CDH13: variants seen among roughly 807,000 people sequenced by gnomAD.
CDH13 encodes the protein cadherin-13.
CDH13 carries 24 observed loss-of-function variants against 63.8 expected under a neutral mutation model. That is an observed-to-expected ratio of 0.38 (90% CI 0.27 to 0.53). The LOEUF (loss-of-function observed/expected upper bound fraction) is 0.53. Ranked by LOEUF, CDH13 falls within the 20% of genes least tolerant of loss-of-function variation. CDH13 has a pLI of 0.85. For synonymous variants in CDH13, 503 were observed against 355.3 expected (o/e 1.42, Z -4.67); for missense variants, 1,049 against 903.1 (o/e 1.16, Z -2.07).
chr16:82,833,394 A>C (rs1016453823), intron 1 of CDH13, among the ~76,000 whole-genome samples: 2 of 152,182 alleles, frequency 1.3e-5, no homozygotes, highest in Non-Finnish European at 2.9e-5. Context: ...ATAGATAGTA[A>C]ATTGTGGCGT....
chr16:82,676,841 T>C (rs1567616639), intron 1 of CDH13, among the ~76,000 whole-genome samples: 1 of 151,510 alleles, frequency 6.6e-6, no homozygotes, highest in Admixed American at 6.6e-5. Context: ...CACAAAGGTA[T>C]TTACACAGTT....
intron 2 of CDH13, among the ~76,000 whole-genome samples, chr16:82,862,174 T>C (rs2039970381): frequency 6.6e-6 from 1 of 152,020 alleles, no homozygotes; most frequent in Non-Finnish European, 1.5e-5. Flanking sequence ...AACACGACAA[T>C]TGTGTGATCT....
At chr16:82,849,279 G>C (rs531245495) in intron 1 of CDH13, among the ~76,000 whole-genome samples, 1 of 152,112 alleles carries the variant, frequency 6.6e-6, no homozygotes, top group African/African-American at 2.4e-5. Context: ...CAAAGCAGGT[G>C]GATCACGAGG....
intron 1 of CDH13, among the ~76,000 whole-genome samples, chr16:82,744,941 CAT>C: frequency 6.6e-6 from 1 of 152,282 alleles, no homozygotes; most frequent in South Asian, 2.1e-4. Flanking sequence ...TCACAACACA[CAT>C]AAATAGCCAT....
chr16:83,155,514 C>G (rs567730318), intron 4 of CDH13, among the ~76,000 whole-genome samples: 3 of 152,298 alleles, frequency 2.0e-5, no homozygotes, highest in East Asian at 3.9e-4. Context: ...TGTCCTCTCT[C>G]TAGGTGACTC....
At chr16:83,766,334 C>G (rs1234922114) in intron 11 of CDH13, among the ~76,000 whole-genome samples, 1 of 152,174 alleles carries the variant, frequency 6.6e-6, no homozygotes. Context: ...TTTTTTAAAT[C>G]AAATTATAGG....
chr16:83,016,951 G>C (rs943856217), intron 2 of CDH13, among the ~76,000 whole-genome samples: 1 of 152,146 alleles, frequency 6.6e-6, no homozygotes, highest in Non-Finnish European at 1.5e-5. Context: ...TGTTTTATTT[G>C]ATGCGATCTT....
chr16:83,492,308 C>G (rs1236147802), intron 7 of CDH13, among the ~76,000 whole-genome samples: 1 of 152,142 alleles, frequency 6.6e-6, no homozygotes, highest in Admixed American at 6.5e-5. Flanking sequence ...TGATTTAATG[C>G]TAATACTTTT....
chr16:83,381,787 A>G (rs1454666752), intron 6 of CDH13, among the ~76,000 whole-genome samples: 1 of 152,036 alleles, frequency 6.6e-6, no homozygotes, highest in African/African-American at 2.4e-5. Flanking sequence ...GTATTTTTCA[A>G]CTGAATGCAG....
intron 4 of CDH13, among the ~76,000 whole-genome samples, chr16:83,211,760 C>T (rs1254339060): frequency 6.6e-6 from 1 of 152,030 alleles, no homozygotes; most frequent in African/African-American, 2.4e-5. Flanking sequence ...GCCCACCTCC[C>T]CCCCCCAAAC....
rs568373372 is a variant in CDH13, at chr16:82,724,958, T to A, written c.45+97821T>A. ...ATTTAGCTCATACTTAAAGGGTAGT[T>A]TTAAAGATTAAATAAGATGGCTTCT... On this transcript the variant is annotated intron_variant, in intron 1 of 13. Transcript: ENST00000567109. 2.7e-4 allele frequency among the ~76,000 whole-genome samples: 41 copies of A among 152,322 alleles called. 1 individual carries two copies. The highest frequency in any genetic ancestry group is 9.6e-4 in the African/African-American group (40 of 41,566).
chr16:82,763,970 G>C (rs1597502258), intron 1 of CDH13, among the ~76,000 whole-genome samples: 1 of 152,170 alleles, frequency 6.6e-6, no homozygotes, highest in African/African-American at 2.4e-5. Flanking sequence ...ACTGTGCCTG[G>C]CCATCCCTGG....
chr16:83,320,859 A>G (rs1460134755), intron 5 of CDH13, among the ~76,000 whole-genome samples: 1 of 152,230 alleles, frequency 6.6e-6, no homozygotes, highest in Non-Finnish European at 1.5e-5. Context: ...AAGTTACCGA[A>G]CAGATTTTAG....
intron 7 of CDH13, among the ~76,000 whole-genome samples, chr16:83,577,044 C>T (rs1395593025): frequency 6.6e-6 from 1 of 152,148 alleles, no homozygotes; most frequent in Non-Finnish European, 1.5e-5. Flanking sequence ...CATTTGTGGG[C>T]AAAACAATCA....
intron 3 of CDH13, among the ~76,000 whole-genome samples, chr16:83,037,416 T>C (rs915314805): frequency 2.0e-5 from 3 of 152,158 alleles, no homozygotes; most frequent in African/African-American, 7.2e-5. Flanking sequence ...GCTGCTGCCA[T>C]TGCCCATGGG....
intron 8 of CDH13, among the ~76,000 whole-genome samples, chr16:83,665,642 G>T (rs1172051393): frequency 6.6e-5 from 10 of 152,136 alleles, no homozygotes; most frequent in Non-Finnish European, 1.5e-4. Context: ...TTAGTTCTCT[G>T]TGAAACTTTA....
At chr16:83,055,558 C>CAA (rs145651005) in intron 3 of CDH13, among the ~76,000 whole-genome samples, 8 of 148,906 alleles carry the variant, frequency 5.4e-5, no homozygotes, top group African/African-American at 2.0e-4. Flanking sequence ...CAAAGCATAC[C>CAA]AAAAAAAAAG....
At chr16:83,737,163 C>A (rs1358684111) in intron 10 of CDH13, among the ~76,000 whole-genome samples, 1 of 152,190 alleles carries the variant, frequency 6.6e-6, no homozygotes, top group Non-Finnish European at 1.5e-5. Flanking sequence ...CACCCCTTTC[C>A]TGCCCACTAT....
chr16:83,489,359 A>T lies in CDH13; in HGVS notation c.960+2704A>T, dbSNP rs538311846. 2.6e-5 allele frequency among the ~76,000 whole-genome samples: 4 copies of T among 152,334 alleles called. No individual in the cohort carries two copies. In the East Asian group the frequency reaches 7.7e-4, roughly 29 times the overall value. On this transcript the variant is annotated intron_variant, in intron 7 of 13. Coordinates refer to ENST00000567109, the MANE Select transcript of CDH13 (RefSeq NM_001257.5). ...CAGCCCCCCAAAAAAGATCAACTCA[A>T]TTTAACCGAAATTGGAAAATCAATG...
Sources: gnomAD v4.1 joint callset for allele counts (sites outside exome capture counted in the v4.1 genomes callset) on GRCh38, gnomAD v4.1.1 for gene constraint, MANE v1.5 for transcripts, NCBI Gene and HGNC (gene_info 2026-07-23, HGNC 2026-07-21) for gene names.